The following ATXN1 variants were observed in gnomAD, a reference collection of about 807,000 sequenced individuals.
ATXN1 encodes the protein ataxin-1.
Under a neutral mutation model 56.4 loss-of-function variants are expected in ATXN1, and 8 were observed. That is an observed-to-expected ratio of 0.14 (90% CI 0.08 to 0.26). ATXN1 has a LOEUF of 0.26. Ranked by LOEUF, ATXN1 falls within the 10% of genes least tolerant of loss-of-function variation. ATXN1 has a pLI of 1.00. For synonymous variants in ATXN1, 514 were observed against 494.6 expected, an observed-to-expected ratio of 1.04 and a Z score of -0.52; for missense variants, 987 against 1,106.5, an observed-to-expected ratio of 0.89 and a Z score of 1.53.
chr6:16,458,478 G>C (rs1407769344), intron 6 of ATXN1, among the ~76,000 whole-genome samples: 1 of 152,206 alleles, frequency 6.6e-6, no homozygotes, highest in African/African-American at 2.4e-5. Flanking sequence ...TGAGATATCA[G>C]GAGAAAGCTC....
At position 16,486,063 on chromosome 6, in the gene ATXN1, G is replaced by A. The variant is rs1760537963; in HGVS notation, c.-252C>T. On this transcript the variant is annotated 5_prime_UTR_variant, in exon 6 of 8. Transcript: ENST00000436367. Reference sequence around the variant, plus strand: ...CTCTGGAGGGCTCCTGAGGGCTCTTGGGCTCAGGCGTGTTCTTTCTTCCTT... The same window carrying A: ...CTCTGGAGGGCTCCTGAGGGCTCTTAGGCTCAGGCGTGTTCTTTCTTCCTT... The A allele has an allele frequency of 6.6e-6, 1 of 152,128 alleles. No individual in the cohort carries two copies. Among genetic ancestry groups the A allele is most frequent in the Admixed American group, 6.6e-5 (1 of 15,266 alleles). The allele number at this position is 152,128 out of a possible 1,614,324, so 9.4% of individuals were successfully genotyped here. A position where few individuals can be genotyped will look rare whatever the true frequency, so the allele number is the denominator to read the frequency against.
At position 16,652,649 on chromosome 6, in the gene ATXN1, T is replaced by C. The variant is rs145726282; in HGVS notation, c.-489+5127A>G. Among the ~76,000 whole-genome samples, 1,061 of 152,320 alleles carry C rather than the reference T, an allele frequency of 7.0e-3. 12 individuals carry two copies. The highest frequency in any genetic ancestry group is 0.024 in the African/African-American group (1,014 of 41,572). ...TGCAGACAATGGCACCTTTCTCTTCTGTAGCTGACAACCTGGCTCTTGCCT... is the reference window on the plus strand; with the variant it reads ...TGCAGACAATGGCACCTTTCTCTTCCGTAGCTGACAACCTGGCTCTTGCCT... On this transcript the variant is annotated intron_variant, in intron 3 of 7. Transcript: ENST00000436367.
chr6:16,539,225 G>A (rs912559293), intron 4 of ATXN1, among the ~76,000 whole-genome samples: 1 of 152,044 alleles, frequency 6.6e-6, no homozygotes, highest in African/African-American at 2.4e-5. Context: ...TTATAACAAG[G>A]GTTTTTTTGC....
At chr6:16,401,619 G>A (rs1758572341) in intron 6 of ATXN1, among the ~76,000 whole-genome samples, 1 of 138,922 alleles carries the variant, frequency 7.2e-6, no homozygotes, top group African/African-American at 2.7e-5. Context: ...GCCTCCATTG[G>A]GAAGAGTGCT....
chr6:16,726,304 C>T (rs898981069), intron 2 of ATXN1, among the ~76,000 whole-genome samples: 2 of 148,016 alleles, frequency 1.4e-5, no homozygotes, highest in African/African-American at 2.5e-5. Context: ...CGCTGGAACC[C>T]GGGGGAGCAG....
At chr6:16,712,601 C>T (rs746364377) in intron 2 of ATXN1, among the ~76,000 whole-genome samples, 1 of 152,134 alleles carries the variant, frequency 6.6e-6, no homozygotes, top group Admixed American at 6.5e-5. Context: ...GAACCAAAGG[C>T]AGTTTTATTT....
intron 6 of ATXN1, among the ~76,000 whole-genome samples, chr6:16,400,397 AT>A (rs1758543301): frequency 2.0e-5 from 3 of 151,852 alleles, no homozygotes; most frequent in Admixed American, 6.5e-5. Flanking sequence ...CTCTATCCTC[AT>A]TCGAAAATTC....
At chr6:16,567,927 T>C (rs896806095) in intron 4 of ATXN1, among the ~76,000 whole-genome samples, 1 of 152,242 alleles carries the variant, frequency 6.6e-6, no homozygotes, top group Non-Finnish European at 1.5e-5. Context: ...ACCTTTATGT[T>C]AACTAAAGTA....
Position 16,328,893 on chromosome 6 carries a change from C to T in ATXN1, c.-160-423G>A, listed in dbSNP as rs185586217. ...AGTGAGCCGAGATTGCACCATTGTA[C>T]TCCAGCCTGGGCAACAGAGCGACAC... On this transcript the variant is annotated intron_variant, in intron 6 of 7. Transcript: ENST00000436367. The surrounding 1 kb of genome is among the most constrained non-coding windows in gnomAD (Gnocchi z 6.2). 1.7e-3 allele frequency among the ~76,000 whole-genome samples: 258 copies of T among 152,280 alleles called. No homozygotes were observed. The highest frequency in any genetic ancestry group is 5.6e-3 in the African/African-American group (234 of 41,536).
In ATXN1 at chr6:16,302,106, A is replaced by G. The variant is rs1484033135; in HGVS notation, c.*4223T>C. On this transcript the variant is annotated 3_prime_UTR_variant, in exon 8 of 8. Transcript: ENST00000436367. ...TATATTGCAATCTATGCGGTATCTAAGGAGTAATCCACAAGATGCAGGAAA... is the reference window on the plus strand; with the variant it reads ...TATATTGCAATCTATGCGGTATCTAGGGAGTAATCCACAAGATGCAGGAAA... 1 of 152,710 alleles carries G rather than the reference A, an allele frequency of 6.5e-6. No individual in the cohort carries two copies. Among genetic ancestry groups the G allele is most frequent in the Non-Finnish European group, 1.5e-5 (1 of 68,056 alleles). The allele number at this position is 152,710 out of a possible 1,614,324, so 9.5% of individuals were successfully genotyped here.
At chr6:16,389,646 C>T (rs1758312848) in intron 6 of ATXN1, among the ~76,000 whole-genome samples, 2 of 152,198 alleles carry the variant, frequency 1.3e-5, no homozygotes, top group African/African-American at 4.8e-5. Flanking sequence ...GAGCATGTGA[C>T]ACACCTTCTG....
At chr6:16,401,530 G>C (rs1758569806) in intron 6 of ATXN1, among the ~76,000 whole-genome samples, 1 of 152,222 alleles carries the variant, frequency 6.6e-6, no homozygotes, top group Non-Finnish European at 1.5e-5. Context: ...GCTTGAGAGA[G>C]CTGTGGCTAG....
At chr6:16,617,766 C>CAA (rs397975811) in intron 3 of ATXN1, among the ~76,000 whole-genome samples, 39 of 89,500 alleles carry the variant, frequency 4.4e-4, no homozygotes, top group Non-Finnish European at 6.1e-4. Context: ...AACTCTGTCT[C>CAA]AAAAAAAAAA....
At chr6:16,632,569 C>T (rs1267751513) in intron 3 of ATXN1, among the ~76,000 whole-genome samples, 1 of 152,106 alleles carries the variant, frequency 6.6e-6, no homozygotes, top group Middle Eastern at 3.2e-3. Flanking sequence ...TGAAGCCCCA[C>T]TGGGATGCGG....
rs1272421504 is a variant in ATXN1, at chr6:16,304,962, TTGG to T, written c.*1364_*1366del. On this transcript the variant is annotated 3_prime_UTR_variant, in exon 8 of 8. Transcript: ENST00000436367. ...AAAAGTGCCTCCCGTCAGGTAGTAC[TTGG>T]TGGTCATTTATTGTCACATACTAGT... 5.2e-5 allele frequency: 8 copies of T among 152,806 alleles called. No individual in the cohort carries two copies. Among genetic ancestry groups the T allele is most frequent in the African/African-American group, 1.9e-4 (8 of 41,582 alleles). The allele number at this position is 152,806 out of a possible 1,614,324, so 9.5% of individuals were successfully genotyped here. A position where few individuals can be genotyped will look rare whatever the true frequency, so the allele number is the denominator to read the frequency against.
chr6:16,597,038 C>T (rs552581953), intron 3 of ATXN1, among the ~76,000 whole-genome samples: 38 of 152,346 alleles, frequency 2.5e-4, no homozygotes, highest in South Asian at 6.2e-4. Context: ...CACCTGCATC[C>T]CCCTCCTGCT....
chr6:16,621,350 T>C (rs1763316527), intron 3 of ATXN1, among the ~76,000 whole-genome samples: 1 of 152,186 alleles, frequency 6.6e-6, no homozygotes, highest in Non-Finnish European at 1.5e-5. Context: ...ACCTGAAATA[T>C]GAGTAAAGTC....
intron 2 of ATXN1, among the ~76,000 whole-genome samples, chr6:16,685,015 C>T (rs1464519538): frequency 6.9e-6 from 1 of 144,634 alleles, no homozygotes; most frequent in Non-Finnish European, 1.6e-5. Context: ...TTAACTTCTA[C>T]AGACAACACA....
At chr6:16,337,966 T>G (rs1007250475) in intron 6 of ATXN1, among the ~76,000 whole-genome samples, 1 of 152,220 alleles carries the variant, frequency 6.6e-6, no homozygotes, top group Non-Finnish European at 1.5e-5. Context: ...ACCACCACTG[T>G]GATAGATCTC....
Sources: gnomAD v4.1 joint callset for allele counts (sites outside exome capture counted in the v4.1 genomes callset) on GRCh38, gnomAD v4.1.1 for gene constraint, Gnocchi (gnomAD v3.1) non-coding constraint, MANE v1.5 for transcripts, NCBI Gene and HGNC (gene_info 2026-07-23, HGNC 2026-07-21) for gene names.